ASAP1: variants seen among roughly 807,000 people sequenced by gnomAD.
ASAP1 encodes the protein ArfGAP with SH3 domain, ankyrin repeat and PH domain 1.
ASAP1 carries 43 observed loss-of-function variants against 145.2 expected under a neutral mutation model. The ratio of observed to expected loss-of-function variants is 0.30; its 90% CI spans 0.23 to 0.38. The LOEUF (loss-of-function observed/expected upper bound fraction) is 0.38, where lower values mean the gene tolerates loss of function less well. Ranked by LOEUF, ASAP1 falls within the 10% of genes least tolerant of loss-of-function variation. The pLI is 1.00. For synonymous variants in ASAP1, 546 were observed against 515.5 expected, an observed-to-expected ratio of 1.06 and a Z score of -0.80; for missense variants, 1,018 against 1,355.3, an observed-to-expected ratio of 0.75 and a Z score of 3.91.
intron 3 of ASAP1, among the ~76,000 whole-genome samples, chr8:130,248,236 G>C (rs896974402): frequency 2.0e-5 from 3 of 152,118 alleles, no homozygotes. Context: ...GGGTTGGAGG[G>C]GGGAGTGCGG....
chr8:130,145,131 T>C (rs2097625007), intron 13 of ASAP1, among the ~76,000 whole-genome samples: 1 of 152,248 alleles, frequency 6.6e-6, no homozygotes, highest in Non-Finnish European at 1.5e-5. Context: ...ATTAAGTACC[T>C]ACTATTTGAT....
chr8:130,088,019 C>T (rs2097497478), intron 25 of ASAP1, among the ~76,000 whole-genome samples: 1 of 152,096 alleles, frequency 6.6e-6, no homozygotes, highest in South Asian at 2.1e-4. Context: ...CTGTGGTAGG[C>T]TGAATAATGG....
chr8:130,382,890 G>A (rs972623890), intron 2 of ASAP1, among the ~76,000 whole-genome samples: 6 of 151,956 alleles, frequency 3.9e-5, no homozygotes, highest in African/African-American at 4.8e-5. Flanking sequence ...GAAATGGGGC[G>A]GGAGGGGAGG....
chr8:130,431,567 G>C (rs1199213002), intron 1 of ASAP1, among the ~76,000 whole-genome samples: 1 of 152,094 alleles, frequency 6.6e-6, no homozygotes, highest in Non-Finnish European at 1.5e-5. Flanking sequence ...CGTTATTTAA[G>C]ATTCGGCTCA....
In ASAP1 at chr8:130,072,787, A is replaced by AC. The variant is rs1262179610; in HGVS notation, c.2701+3560_2701+3561insG. 5.6e-5 allele frequency among the ~76,000 whole-genome samples: 2 copies of AC among 35,992 alleles called. 1 individual carries two copies. Among genetic ancestry groups the AC allele is most frequent in the Admixed American group, 7.1e-4 (2 of 2,836 alleles). 23.6% of individuals were successfully genotyped at this position (35,992 alleles called of 152,430 possible). A position where few individuals can be genotyped will look rare whatever the true frequency, so the allele number is the denominator to read the frequency against. On this transcript the variant is annotated intron_variant, in intron 27 of 29. Coordinates refer to ENST00000518721, the MANE Select transcript of ASAP1 (RefSeq NM_018482.4). ...GAAGTTCTGAAGGCCTGGACTTGCA[A>AC]TTGATATGTGTGTGTGTGTGTGTGT...
At chr8:130,432,618 A>G (rs536155795) in intron 1 of ASAP1, among the ~76,000 whole-genome samples, 1 of 152,184 alleles carries the variant, frequency 6.6e-6, no homozygotes, top group Admixed American at 6.5e-5. Flanking sequence ...TTCTGCTCTG[A>G]CACCCTCAAC....
At chr8:130,117,396 G>C (rs914242955) in intron 20 of ASAP1, among the ~76,000 whole-genome samples, 2 of 152,134 alleles carry the variant, frequency 1.3e-5, no homozygotes, top group African/African-American at 4.8e-5. Context: ...TCTATCTCTG[G>C]AGCCAATGTT....
At chr8:130,223,248 A>G (rs1354124720) in intron 4 of ASAP1, among the ~76,000 whole-genome samples, 1 of 152,210 alleles carries the variant, frequency 6.6e-6, no homozygotes, top group Non-Finnish European at 1.5e-5. Flanking sequence ...ACATTTGGTG[A>G]AAGATCACAC....
At chr8:130,354,973 C>T (rs1420983879) in intron 3 of ASAP1, among the ~76,000 whole-genome samples, 2 of 152,222 alleles carry the variant, frequency 1.3e-5, no homozygotes, top group East Asian at 1.9e-4. Flanking sequence ...GTAACCTCGG[C>T]CTCCCGGGTT....
intron 27 of ASAP1, 42 bp from the exon 28 acceptor site, chr8:130,061,111 G>T: frequency 6.6e-7 from 1 of 1,517,312 alleles, no homozygotes. Flanking sequence ...TGGTGGGAAG[G>T]GCTGCTTTCC....
intron 11 of ASAP1, among the ~76,000 whole-genome samples, chr8:130,160,579 C>T (rs1469286345): frequency 6.6e-6 from 1 of 152,006 alleles, no homozygotes; most frequent in Non-Finnish European, 1.5e-5. Context: ...AGGGCCAAAC[C>T]AACAACATAG....
intron 3 of ASAP1, among the ~76,000 whole-genome samples, chr8:130,313,969 CAGTCCA>C (rs1823515991): frequency 1.3e-5 from 2 of 152,216 alleles, no homozygotes; most frequent in African/African-American, 4.8e-5. Context: ...CAATTTGCTG[CAGTCCA>C]CCCCTAGGCT....
intron 3 of ASAP1, among the ~76,000 whole-genome samples, chr8:130,280,528 AG>A (rs1821188605): frequency 6.6e-6 from 1 of 152,242 alleles, no homozygotes; most frequent in Admixed American, 6.5e-5. Flanking sequence ...AATCCAGACT[AG>A]AACTTTCTTA....
At chr8:130,187,893 C>T (rs1586551724) in intron 6 of ASAP1, among the ~76,000 whole-genome samples, 2 of 152,298 alleles carry the variant, frequency 1.3e-5, no homozygotes, top group East Asian at 3.9e-4. Flanking sequence ...CATGGAGGAC[C>T]TTCCCAATCT....
At chr8:130,243,689 A>T (rs557618613) in intron 3 of ASAP1, among the ~76,000 whole-genome samples, 11 of 152,150 alleles carry the variant, frequency 7.2e-5, no homozygotes, top group Non-Finnish European at 1.2e-4. Context: ...TCTTTTTCTT[A>T]AAACTCTCTT....
chr8:130,191,382 A>G (rs925824486), intron 5 of ASAP1, among the ~76,000 whole-genome samples: 2 of 152,182 alleles, frequency 1.3e-5, no homozygotes, highest in African/African-American at 2.4e-5. Flanking sequence ...CTCACTCAAG[A>G]AATGATTTTA....
At chr8:130,438,499 G>A (rs1375785376) in intron 1 of ASAP1, among the ~76,000 whole-genome samples, 1 of 152,206 alleles carries the variant, frequency 6.6e-6, no homozygotes, top group Admixed American at 6.5e-5. Flanking sequence ...AGGGATGCGT[G>A]CTGTGCTAGG....
At position 130,159,965 on chromosome 8, in the gene ASAP1, C is replaced by G; in HGVS notation, c.910-1G>C. 6.2e-7 allele frequency: 1 copy of G among 1,613,278 alleles called. No individual in the cohort carries two copies. The highest frequency in any genetic ancestry group is 8.5e-7 in the Non-Finnish European group (1 of 1,179,292). Reference sequence around the variant, plus strand: ...ATCCTCCTTGCCGGCTCTGAGAATCCTAGGAAAGAAAAACTACAGATTAAA... The same window carrying G: ...ATCCTCCTTGCCGGCTCTGAGAATCGTAGGAAAGAAAAACTACAGATTAAA... On this transcript the variant is annotated splice_acceptor_variant, in intron 11 of 29. Coordinates refer to ENST00000518721, the MANE Select transcript of ASAP1 (RefSeq NM_018482.4). LOFTEE classifies it high-confidence loss of function.
intron 2 of ASAP1, among the ~76,000 whole-genome samples, chr8:130,361,957 C>G (rs1281066801): frequency 6.6e-6 from 1 of 152,108 alleles, no homozygotes; most frequent in African/African-American, 2.4e-5. Flanking sequence ...TAAGACTGTT[C>G]AGCACTCTTG....
Sources: allele counts gnomAD v4.1 joint callset (sites outside exome capture counted in the v4.1 genomes callset), GRCh38; gene constraint gnomAD v4.1.1; transcripts MANE v1.5; gene names NCBI Gene and HGNC (gene_info 2026-07-23, HGNC 2026-07-21).